AKAP9: variants seen among roughly 807,000 people sequenced by gnomAD.
AKAP9 encodes A-kinase anchor protein 9.
AKAP9 carries 311 observed loss-of-function variants against 488.5 expected under a neutral mutation model. That is an observed-to-expected ratio of 0.64 (90% confidence interval 0.58 to 0.70). The LOEUF (loss-of-function observed/expected upper bound fraction) is 0.70. Among genes scored for constraint, AKAP9 ranks in the 30% least tolerant of loss-of-function variants. The pLI is 0.00. For synonymous variants in AKAP9, 1,462 were observed against 1,483.5 expected (o/e 0.99, Z 0.33); for missense variants, 4,215 against 4,374.5 (o/e 0.96, Z 1.03).
Position 92,084,858 on chromosome 7 carries a change from A to G in AKAP9, c.8750A>G (p.His2917Arg), listed in dbSNP as rs1282725622. 7 of 1,613,426 alleles carry G rather than the reference A, an allele frequency of 4.3e-6. No individual in the cohort carries two copies. The highest frequency in any genetic ancestry group is 5.9e-6 in the Non-Finnish European group (7 of 1,179,722). Residue 2917 changes from histidine (H) to arginine (R), a missense_variant, in exon 35 of 50, where the codon CAC becomes CGC. Coordinates refer to ENST00000356239, the MANE Select transcript of AKAP9 (RefSeq NM_005751.5). ...TGGGGTCAGGGAATTTATCTTACAC[A>G]CAGTCAGGGATTTGACATAGCATCA... ...SDWGQGIYLT[H>R]SQGFDIASEG...
At chr7:91,961,438 G>A (rs1253685721) in intron 1 of AKAP9, among the ~76,000 whole-genome samples, 2 of 150,992 alleles carry the variant, frequency 1.3e-5, no homozygotes, top group South Asian at 2.1e-4. Context: ...TCAGCCTCCC[G>A]AACTGCAGGG....
chr7:92,068,274 G>T (rs865782511), intron 26 of AKAP9, among the ~76,000 whole-genome samples: 68 of 149,366 alleles, frequency 4.6e-4, no homozygotes, highest in African/African-American at 1.6e-3. Flanking sequence ...GCTGAGACAG[G>T]AGAATGGCAT....
chr7:91,998,412 A>G (rs1451825350), intron 7 of AKAP9, among the ~76,000 whole-genome samples: 1 of 113,588 alleles, frequency 8.8e-6, no homozygotes, highest in Admixed American at 1.1e-4. Context: ...ATTCAACCAC[A>G]GGGCTCTTTT....
Position 92,110,474 on chromosome 7 carries a change from T to C in AKAP9, c.*315T>C, listed in dbSNP as rs993501626. ...AAACTTTTACGCATTACAATACTGC[T>C]GAATGTGTAGCTCGAGGTGTCCTGC... On this transcript the variant is annotated 3_prime_UTR_variant, in exon 50 of 50. Coordinates refer to ENST00000356239, the MANE Select transcript of AKAP9 (RefSeq NM_005751.5). 4.2e-5 allele frequency: 16 copies of C among 385,206 alleles called. No homozygotes were observed. The highest frequency in any genetic ancestry group is 7.2e-5 in the Non-Finnish European group (15 of 209,788). 23.9% of individuals were successfully genotyped at this position (385,206 alleles called of 1,614,324 possible).
intron 41 of AKAP9, 77 bp from the exon 42 acceptor site, chr7:92,097,509 T>C: frequency 6.5e-7 from 1 of 1,528,808 alleles, no homozygotes. Context: ...TAAACAATAA[T>C]TGTGTTCCCT....
In AKAP9 at chr7:91,941,413, C is replaced by T. The variant is rs963095917; in HGVS notation, c.48+266C>T. Among the ~76,000 whole-genome samples the T allele has an allele frequency of 4.7e-4, 71 of 152,314 alleles. 1 individual carries two copies. Among genetic ancestry groups the T allele is most frequent in the Non-Finnish European group, 1.6e-4 (11 of 68,036 alleles). ...TCGTGAATGTCCAAATAAAACTCCC[C>T]TTTTACTGTATTGCTGTAAACTAGT... On this transcript the variant is annotated intron_variant, in intron 1 of 49. Coordinates refer to ENST00000356239, the MANE Select transcript of AKAP9 (RefSeq NM_005751.5).
At position 92,002,542 on chromosome 7, in the gene AKAP9, A is replaced by G. The variant is rs775799706; in HGVS notation, c.2625A>G (p.Lys875=). ...AGTATGCTTGCCTTCTCAAAGTAAA[A>G]GATGATTTAGAAGACAGTAAAAATA... ...QEEYACLLKV[K]DDLEDSKNKQ... Residue 875 remains lysine, a synonymous_variant, in exon 8 of 50, where the codon AAA becomes AAG. Transcript: ENST00000356239. 5.6e-6 allele frequency: 9 copies of G among 1,610,096 alleles called. No individual in the cohort carries two copies. The East Asian group carries it at 6.7e-5, about 12-fold the overall frequency.
intron 31 of AKAP9, among the ~76,000 whole-genome samples, chr7:92,080,959 G>A (rs944293274): frequency 6.6e-6 from 1 of 152,054 alleles, no homozygotes; most frequent in Non-Finnish European, 1.5e-5. Flanking sequence ...GACAGCCTCA[G>A]GCCAAATTTA....
intron 22 of AKAP9, among the ~76,000 whole-genome samples, chr7:92,054,301 G>A (rs957846411): frequency 2.0e-5 from 3 of 151,964 alleles, no homozygotes; most frequent in Admixed American, 2.0e-4. Context: ...CCTCTTCAAT[G>A]TGTCATTATT....
chr7:92,002,107 A>C lies in AKAP9; in HGVS notation c.2190A>C (p.Ile730=). 1 of 1,594,820 alleles carries C rather than the reference A, an allele frequency of 6.3e-7. No individual in the cohort carries two copies. Among genetic ancestry groups the C allele is most frequent in the Non-Finnish European group, 8.5e-7 (1 of 1,174,828 alleles). The change falls in exon 8 of 50, where the codon ATA becomes ATC. Residue 730 remains isoleucine (I), a synonymous_variant. Coordinates refer to ENST00000356239, the MANE Select transcript of AKAP9 (RefSeq NM_005751.5). ...ATGAACTTCAAAAAGAAATTGAAAT[A>C]CTCAGACAAGAAGAAAAAGAAAAGG... ...QINELQKEIE[I]LRQEEKEKGT...
chr7:92,108,592 G>T lies in AKAP9; in HGVS notation c.11645G>T (p.Arg3882Leu). ...AGAGCCCTAACAGATTATATCACTC[G>T]GCTAGAGGCACTGCAAAGACGACTT... The part of the protein sequence containing the change: ...PDRALTDYIT[R>L]LEALQRRLGT... Residue 3882 changes from arginine to leucine, a missense_variant, in exon 49 of 50, where the codon CGG (arginine) becomes CTG (leucine). Coordinates refer to ENST00000356239, the MANE Select transcript of AKAP9 (RefSeq NM_005751.5). The T allele has an allele frequency of 6.2e-7, 1 of 1,614,084 alleles. No homozygotes were observed. Among genetic ancestry groups the T allele is most frequent in the Non-Finnish European group, 8.5e-7 (1 of 1,180,018 alleles).
chr7:92,065,575 TTTA>T lies in AKAP9; in HGVS notation c.6210+116_6210+118del, dbSNP rs1382677293. 2.6e-5 allele frequency: 20 copies of T among 758,900 alleles called. No individual in the cohort carries two copies. In the Admixed American group the frequency reaches 4.7e-4, roughly 18 times the overall value. The allele number at this position is 758,900 out of a possible 1,614,324, so 47.0% of individuals were successfully genotyped here. ...GACTGTTGAGTTAGTTTTTCAGTGT[TTTA>T]TTAGGTGTCGAATCTACTAATCGAT... On this transcript the variant is annotated intron_variant, in intron 25 of 49. Transcript: ENST00000356239.
chr7:92,016,366 G>A, intron 11 of AKAP9, 99 bp downstream of exon 11: 1 of 882,786 alleles, frequency 1.1e-6, no homozygotes, highest in Non-Finnish European at 1.7e-6. Context: ...ACCCAGCCAA[G>A]TTGTTTTTCA....
At chr7:91,967,549 T>C (rs1190226489) in intron 1 of AKAP9, among the ~76,000 whole-genome samples, 1 of 152,234 alleles carries the variant, frequency 6.6e-6, no homozygotes, top group Non-Finnish European at 1.5e-5. Flanking sequence ...TCAGCGTTAA[T>C]TGAAATGGTC....
At chr7:92,048,375 A>G (rs1807360520) in intron 21 of AKAP9, among the ~76,000 whole-genome samples, 1 of 152,220 alleles carries the variant, frequency 6.6e-6, no homozygotes, top group Non-Finnish European at 1.5e-5. Context: ...CTTCCTCATA[A>G]GAGTAACCTA....
intron 10 of AKAP9, among the ~76,000 whole-genome samples, chr7:92,014,541 A>G (rs1306343011): frequency 6.6e-6 from 1 of 152,168 alleles, no homozygotes; most frequent in African/African-American, 2.4e-5. Flanking sequence ...AGGCATTGGA[A>G]TTGCTTGGGC....
At chr7:92,101,608 T>A (rs1458102730) in intron 45 of AKAP9, among the ~76,000 whole-genome samples, 6 of 152,160 alleles carry the variant, frequency 3.9e-5, no homozygotes, top group Non-Finnish European at 8.8e-5. Flanking sequence ...GGTTCCACTT[T>A]CCCTGGTTTC....
chr7:91,975,578 A>G (rs950072411), intron 2 of AKAP9, among the ~76,000 whole-genome samples: 1 of 152,180 alleles, frequency 6.6e-6, no homozygotes, highest in African/African-American at 2.4e-5. Context: ...CAACTAAACT[A>G]GAAATGTTCA....
rs772698218 is a variant in AKAP9 at position 91,941,139 on chromosome 7, A to G, written c.40A>G (p.Lys14Glu). The change falls in exon 1 of 50, where the codon AAA becomes GAA. Residue 14 changes from lysine to glutamate, a missense_variant. Transcript: ENST00000356239. Reference sequence around the variant, plus strand: ...GAGACAGAAGAAGCTGGAGGCCGGCAAAGCCAAGGTAGGAGAGCCCGAGGC... The same window carrying G: ...GAGACAGAAGAAGCTGGAGGCCGGCGAAGCCAAGGTAGGAGAGCCCGAGGC... ...EERQKKLEAG[K>E]AKLAQFRQRK... The G allele has an allele frequency of 6.2e-7, 1 of 1,614,108 alleles. No individual in the cohort carries two copies. The highest frequency in any genetic ancestry group is 2.2e-5 in the East Asian group (1 of 44,876).
Sources: allele counts gnomAD v4.1 joint callset (sites outside exome capture counted in the v4.1 genomes callset), GRCh38; gene constraint gnomAD v4.1.1; transcripts MANE v1.5; gene names NCBI Gene and HGNC (gene_info 2026-07-23, HGNC 2026-07-21).